The following PRKN variants were observed in gnomAD, a reference collection of about 807,000 sequenced individuals.
PRKN encodes the protein E3 ubiquitin-protein ligase parkin.
Under a neutral mutation model 59.5 loss-of-function variants are expected in PRKN, and 56 were observed. The observed-to-expected ratio is 0.94, with a 90% CI of 0.76 to 1.18. PRKN has a LOEUF of 1.18. Among genes scored for constraint, PRKN ranks in the 50% most tolerant of loss-of-function variants. PRKN has a pLI of 0.00. For synonymous variants in PRKN, 250 were observed against 222.1 expected (o/e 1.13, Z -1.12); for missense variants, 657 against 596.4 (o/e 1.10, Z -1.06).
chr6:161,874,728 AAAT>A (rs1794609885), intron 6 of PRKN, among the ~76,000 whole-genome samples: 1 of 32,684 alleles, frequency 3.1e-5, no homozygotes, highest in African/African-American at 1.3e-4. Context: ...ACAATATATA[AAAT>A]GTACTATATA....
At chr6:162,005,947 G>A (rs1455568221) in intron 5 of PRKN, among the ~76,000 whole-genome samples, 3 of 150,072 alleles carry the variant, frequency 2.0e-5, no homozygotes, top group African/African-American at 4.9e-5. Context: ...AAAGGATAGT[G>A]TATATATATA....
chr6:162,595,642 A>AT (rs1433436257), intron 1 of PRKN, among the ~76,000 whole-genome samples: 1 of 152,074 alleles, frequency 6.6e-6, no homozygotes, highest in Non-Finnish European at 1.5e-5. Context: ...TATTTGAATA[A>AT]TTTTAGTGTT....
chr6:162,440,342 G>A (rs1204406452), intron 2 of PRKN, among the ~76,000 whole-genome samples: 11 of 151,914 alleles, frequency 7.2e-5, no homozygotes, highest in Non-Finnish European at 1.0e-4. Flanking sequence ...AGACAAACTC[G>A]CTTTTTAAAA....
intron 6 of PRKN, among the ~76,000 whole-genome samples, chr6:161,836,850 G>T (rs550048200): frequency 1.3e-5 from 2 of 152,286 alleles, no homozygotes; most frequent in Non-Finnish European, 2.9e-5. Context: ...AGCACAAGCC[G>T]TAAAATGACG....
chr6:162,280,381 A>AGT (rs2128106084), intron 2 of PRKN, among the ~76,000 whole-genome samples: 1 of 152,310 alleles, frequency 6.6e-6, no homozygotes, highest in South Asian at 2.1e-4. Flanking sequence ...CAGCTAAGGT[A>AGT]GTGTCAAGGG....
At chr6:162,501,955 C>T (rs956018167) in intron 1 of PRKN, among the ~76,000 whole-genome samples, 6 of 151,962 alleles carry the variant, frequency 3.9e-5, no homozygotes, top group Non-Finnish European at 5.9e-5. Flanking sequence ...GGGAAAAAGA[C>T]GAATTAAGTA....
chr6:162,440,271 A>G (rs910858133), intron 2 of PRKN, among the ~76,000 whole-genome samples: 8 of 152,164 alleles, frequency 5.3e-5, no homozygotes, highest in Admixed American at 1.3e-4. Flanking sequence ...ATTCTATGAA[A>G]ATTTTTTAGA....
intron 4 of PRKN, among the ~76,000 whole-genome samples, chr6:162,073,847 C>T (rs1778695400): frequency 6.6e-6 from 1 of 152,200 alleles, no homozygotes; most frequent in South Asian, 2.1e-4. Flanking sequence ...TAATCTAATA[C>T]TCAATACCAT....
intron 2 of PRKN, among the ~76,000 whole-genome samples, chr6:162,432,492 C>T (rs1417968331): frequency 6.6e-6 from 1 of 152,046 alleles, no homozygotes; most frequent in African/African-American, 2.4e-5. Context: ...CACCACTGCA[C>T]CCCAACCTGG....
At chr6:162,656,730 G>A (rs1778657361) in intron 1 of PRKN, among the ~76,000 whole-genome samples, 1 of 152,108 alleles carries the variant, frequency 6.6e-6, no homozygotes, top group East Asian at 1.9e-4. Flanking sequence ...TCCTGAAACA[G>A]CTTTACATTC....
At chr6:162,116,882 A>T (rs1337879788) in intron 4 of PRKN, among the ~76,000 whole-genome samples, 2 of 152,222 alleles carry the variant, frequency 1.3e-5, no homozygotes, top group African/African-American at 2.4e-5. Context: ...GCAAAGATCA[A>T]ATAATAACAA....
At chr6:162,676,977 C>T (rs1476905301) in intron 1 of PRKN, among the ~76,000 whole-genome samples, 1 of 150,800 alleles carries the variant, frequency 6.6e-6, no homozygotes, top group African/African-American at 2.4e-5. Flanking sequence ...AGAAGAATCG[C>T]TTGAACCCGG....
At chr6:162,632,991 AAT>A (rs1207707375) in intron 1 of PRKN, among the ~76,000 whole-genome samples, 3 of 152,308 alleles carry the variant, frequency 2.0e-5, no homozygotes, top group Admixed American at 6.5e-5. Flanking sequence ...TAAAATATTA[AAT>A]AGTGTTAAGT....
chr6:161,770,616 C>T (rs1352237052), intron 7 of PRKN, among the ~76,000 whole-genome samples: 1 of 151,982 alleles, frequency 6.6e-6, no homozygotes, highest in Non-Finnish European at 1.5e-5. Flanking sequence ...TACAGGCGTG[C>T]ACCACCACGC....
At chr6:162,261,185 C>T (rs758413491) in intron 3 of PRKN, among the ~76,000 whole-genome samples, 3 of 152,132 alleles carry the variant, frequency 2.0e-5, no homozygotes, top group African/African-American at 4.8e-5. Context: ...ACTCTGTCCT[C>T]CTCATCCTAG....
At chr6:161,773,615 T>C (rs781555973) in intron 7 of PRKN, among the ~76,000 whole-genome samples, 9 of 152,194 alleles carry the variant, frequency 5.9e-5, no homozygotes, top group Non-Finnish European at 1.0e-4. Flanking sequence ...CAGACATCTT[T>C]CCACATTTCT....
intron 4 of PRKN, among the ~76,000 whole-genome samples, chr6:162,170,432 T>C (rs923365077): frequency 3.3e-5 from 5 of 152,142 alleles, no homozygotes; most frequent in African/African-American, 4.8e-5. Flanking sequence ...ATTTGAACAT[T>C]ATCCCTCTCT....
At chr6:161,398,893 T>C (rs1289651315) in intron 9 of PRKN, among the ~76,000 whole-genome samples, 4 of 151,996 alleles carry the variant, frequency 2.6e-5, no homozygotes, top group Admixed American at 2.0e-4. Context: ...AGAGGGCAGT[T>C]CCCCAGCAAA....
intron 4 of PRKN, among the ~76,000 whole-genome samples, chr6:162,193,471 C>T (rs1014158414): frequency 6.6e-6 from 1 of 152,276 alleles, no homozygotes; most frequent in East Asian, 1.9e-4. Flanking sequence ...GCTATCACTC[C>T]TCCCTGAACT....
Sources: allele counts gnomAD v4.1 joint callset (sites outside exome capture counted in the v4.1 genomes callset), GRCh38; gene constraint gnomAD v4.1.1; transcripts MANE v1.5; gene names NCBI Gene and HGNC (gene_info 2026-07-23, HGNC 2026-07-21).